Variants in CLEC4M observed in about 807,000 individuals in gnomAD.
The protein encoded by CLEC4M is C-type lectin domain family 4 member M.
A neutral mutation model predicts 39.1 loss-of-function variants in CLEC4M; 25 were observed. That is an observed-to-expected ratio of 0.64 (90% CI 0.47 to 0.89). The LOEUF is 0.89. Ranked by LOEUF, CLEC4M falls within the 40% of genes least tolerant of loss-of-function variation. CLEC4M has a pLI of 0.00. For synonymous variants in CLEC4M, 155 were observed against 177.4 expected (o/e 0.87, Z 1.00); for missense variants, 353 against 431.4 (o/e 0.82, Z 1.61).
chr19:7,763,690 G>C (rs964701120), intron 2 of CLEC4M, among the ~76,000 whole-genome samples: 1 of 151,852 alleles, frequency 6.6e-6, no homozygotes, highest in African/African-American at 2.4e-5. Flanking sequence ...GCCTGGGGAG[G>C]TGGGAGAGGG....
rs73921564 is a variant in CLEC4M, at chr19:7,763,618, C to T, written c.130+142C>T. 1,014 of 557,698 alleles carry T rather than the reference C, an allele frequency of 1.8e-3. 9 individuals are homozygous for T. Among genetic ancestry groups the T allele is most frequent in the African/African-American group, 0.018 (898 of 50,168 alleles). 34.5% of individuals were successfully genotyped at this position (557,698 alleles called of 1,614,324 possible). ...CTGGGTTCCTGGGTCCTGAAGAGGA[C>T]GGGGTAGGGATCTGAACTCCTCACA... On this transcript the variant is annotated intron_variant, in intron 2 of 6. Coordinates refer to ENST00000327325, the MANE Select transcript of CLEC4M (RefSeq NM_014257.5).
intron 2 of CLEC4M, among the ~76,000 whole-genome samples, chr19:7,763,952 AG>A (rs1304927441): frequency 6.7e-6 from 1 of 149,612 alleles, no homozygotes; most frequent in African/African-American, 2.5e-5. Context: ...CTGGGGAGGT[AG>A]AAGCAGGTAT....
chr19:7,767,436 A>G, intron 5 of CLEC4M, 80 bp from the exon 6 acceptor site: 1 of 1,104,882 alleles, frequency 9.1e-7, no homozygotes, highest in Non-Finnish European at 1.4e-6. Context: ...TGAAAGCAGA[A>G]CTTTCTGCCA....
Position 7,769,067 on chromosome 19 carries a change from A to AT in CLEC4M, c.*80dup, listed in dbSNP as rs1349458206. On this transcript the variant is annotated 3_prime_UTR_variant, in exon 7 of 7. Coordinates refer to ENST00000327325, the MANE Select transcript of CLEC4M (RefSeq NM_014257.5). ...TTGTAAGCCAGCGCTTCTTCTCTCCATCCTTGGACCTTCACAAATGCCCTG... is the reference window on the plus strand; with the variant it reads ...TTGTAAGCCAGCGCTTCTTCTCTCCATTCCTTGGACCTTCACAAATGCCCTG... 2.1e-6 allele frequency: 3 copies of AT among 1,449,822 alleles called. No individual in the cohort carries two copies. The Admixed American group carries it at 5.4e-5, about 26-fold the overall frequency. 89.8% of individuals were successfully genotyped at this position (1,449,822 alleles called of 1,614,324 possible).
In CLEC4M at chr19:7,765,170, T is replaced by C; in HGVS notation, c.131-15T>C. The C allele has an allele frequency of 1.2e-6, 2 of 1,613,728 alleles. No individual in the cohort carries two copies. Among genetic ancestry groups the C allele is most frequent in the Non-Finnish European group, 1.7e-6 (2 of 1,179,652 alleles). On this transcript the variant is annotated splice_polypyrimidine_tract_variant and intron_variant, in intron 2 of 6. Transcript: ENST00000327325. ...GTGGGAACACTGGCAGGCTGACGCA[T>C]GTATCCTCTCTCAGGGTGTCTTGGC...
intron 2 of CLEC4M, among the ~76,000 whole-genome samples, chr19:7,764,040 C>G (rs2034135854): frequency 6.6e-6 from 1 of 151,830 alleles, no homozygotes. Context: ...GAGGCTGGGA[C>G]CTGGATGCCT....
Position 7,768,903 on chromosome 19 carries a change from G to A in CLEC4M, c.1115G>A (p.Ser372Asn), listed in dbSNP as rs11671490. Residue 372 changes from serine (S) to asparagine (N), a missense_variant, in exon 7 of 7, where the codon AGT (serine) becomes AAT (asparagine). Physicochemically the swap from Ser to Asn is conservative, Grantham distance 46. Around this residue, in one of 4 missense-constraint regions of CLEC4M, gnomAD observed 196 missense variants for 211.7 expected, o/e 0.93. Transcript: ENST00000327325. ...GGGAATGAAGACTGTGCGGAATTTA[G>A]TGGCAGTGGCTGGAACGACAATCGA... is the stretch of plus-strand genomic sequence containing the variant. ...NSGNEDCAEFSGSGWNDNRCD... is the reference protein window; with the variant it reads ...NSGNEDCAEFNGSGWNDNRCD... 32 of 1,614,106 alleles carry A rather than the reference G, an allele frequency of 2.0e-5. No homozygotes were observed. The Middle Eastern group carries it at 1.8e-3, about 91-fold the overall frequency.
At chr19:7,764,136 A>T (rs1034927322) in intron 2 of CLEC4M, among the ~76,000 whole-genome samples, 1 of 151,918 alleles carries the variant, frequency 6.6e-6, no homozygotes, top group African/African-American at 2.4e-5. Flanking sequence ...ATTTAGGTGC[A>T]CCAGCCCAGT....
rs752139901 is a variant in CLEC4M, at chr19:7,768,819, T to G, written c.1050-19T>G. ...CTACTGGGCAGGGCAGAGGCTCACA[T>G]TCTGCATGGGCTTTGCAGCTTCCAG... On this transcript the variant is annotated intron_variant, in intron 6 of 6. Coordinates refer to ENST00000327325, the MANE Select transcript of CLEC4M (RefSeq NM_014257.5). 2.0e-5 allele frequency: 33 copies of G among 1,611,862 alleles called. No individual in the cohort carries two copies. Among genetic ancestry groups the G allele is most frequent in the Non-Finnish European group, 2.8e-5 (33 of 1,178,286 alleles).
chr19:7,766,220 A>G lies in CLEC4M; in HGVS notation c.784+13A>G. The G allele has an allele frequency of 1.2e-6, 2 of 1,613,712 alleles. No homozygotes were observed. Among genetic ancestry groups the G allele is most frequent in the Non-Finnish European group, 1.7e-6 (2 of 1,179,666 alleles). ...AAGACTGCATTTGGTGAGTTCCTGCACATCAAGGGTCCTTGGGCCTGAGAT... is the reference window on the plus strand; with the variant it reads ...AAGACTGCATTTGGTGAGTTCCTGCGCATCAAGGGTCCTTGGGCCTGAGAT... On this transcript the variant is annotated intron_variant, in intron 4 of 6. Transcript: ENST00000327325.
intron 5 of CLEC4M, 144 bp from the exon 6 acceptor site, chr19:7,767,372 G>T: frequency 1.6e-6 from 1 of 623,910 alleles, no homozygotes; most frequent in Non-Finnish European, 2.9e-6. Flanking sequence ...TGTGAGAGGG[G>T]CTCAGACATG....
rs2034195645 is a variant in CLEC4M at position 7,765,172 on chromosome 19, T to C, written c.131-13T>C. 6.2e-7 allele frequency: 1 copy of C among 1,613,998 alleles called. No individual in the cohort carries two copies. On this transcript the variant is annotated splice_polypyrimidine_tract_variant and intron_variant, in intron 2 of 6. Transcript: ENST00000327325. The stretch of plus-strand genomic sequence containing the variant: ...GGGAACACTGGCAGGCTGACGCATG[T>C]ATCCTCTCTCAGGGTGTCTTGGCCA...
chr19:7,765,185 G>T lies in CLEC4M; in HGVS notation c.131G>T (p.Gly44Val). The change falls in exon 3 of 7, where the codon GGG (glycine) becomes GTG (valine). Residue 44 changes from glycine (G) to valine (V), a missense_variant and splice_region_variant. Physicochemically the swap from Gly to Val is moderately radical, Grantham distance 109. Around this residue, in one of 4 missense-constraint regions of CLEC4M, gnomAD observed 91 missense variants for 77.8 expected, o/e 1.17. Transcript: ENST00000327325. ...QQIHGHKSSTGCLGHGALVLQ... is the reference protein window; with the variant it reads ...QQIHGHKSSTVCLGHGALVLQ... Reference sequence around the variant, plus strand: ...GGCTGACGCATGTATCCTCTCTCAGGGTGTCTTGGCCATGGCGCCCTGGTG... The same window carrying T: ...GGCTGACGCATGTATCCTCTCTCAGTGTGTCTTGGCCATGGCGCCCTGGTG... The T allele has an allele frequency of 6.2e-7, 1 of 1,614,078 alleles. No individual in the cohort carries two copies. The highest frequency in any genetic ancestry group is 1.3e-5 in the African/African-American group (1 of 75,026).
chr19:7,765,145 G>A (rs113778282), intron 2 of CLEC4M, 40 bp from the exon 3 acceptor site: 1 of 1,608,168 alleles, frequency 6.2e-7, no homozygotes, highest in Non-Finnish European at 8.5e-7. Flanking sequence ...CCAGGCTCAG[G>A]TGGGAACACT....
At chr19:7,766,897 G>A (rs1462092825) in intron 5 of CLEC4M, 90 bp downstream of exon 5, 4 of 1,596,396 alleles carry the variant, frequency 2.5e-6, no homozygotes, top group Non-Finnish European at 3.4e-6. Flanking sequence ...TGCAGAAGAG[G>A]GGCTTTGCTC....
chr19:7,766,542 C>T (rs2034282051), intron 4 of CLEC4M, 114 bp from the exon 5 acceptor site: 4 of 1,559,782 alleles, frequency 2.6e-6, no homozygotes, highest in Admixed American at 3.7e-5. Context: ...AAGCGGTCCA[C>T]CCAACATGGA....
In CLEC4M at chr19:7,763,456, A is replaced by C. The variant is rs1206850173; in HGVS notation, c.110A>C (p.His37Pro). 2 of 1,613,920 alleles carry C rather than the reference A, an allele frequency of 1.2e-6. No homozygotes were observed. The highest frequency in any genetic ancestry group is 1.7e-6 in the Non-Finnish European group (2 of 1,179,950). The change falls in exon 2 of 7, where the codon CAT becomes CCT. Residue 37 changes from histidine to proline, a missense_variant. Around this residue, in one of 4 missense-constraint regions of CLEC4M, gnomAD observed 91 missense variants for 77.8 expected, o/e 1.17. Coordinates refer to ENST00000327325, the MANE Select transcript of CLEC4M (RefSeq NM_014257.5). ...FPRDFQFQQI[H>P]GHKSSTGCLG... ...AGAGACTTTCAATTCCAGCAGATAC[A>C]TGGCCACAAGAGCTCTACAGGTAGG...
In CLEC4M at chr19:7,766,210, G is replaced by A. The variant is rs1443976261; in HGVS notation, c.784+3G>A. Reference sequence around the variant, plus strand: ...GACCGATTTGAAGACTGCATTTGGTGAGTTCCTGCACATCAAGGGTCCTTG... The same window carrying A: ...GACCGATTTGAAGACTGCATTTGGTAAGTTCCTGCACATCAAGGGTCCTTG... On this transcript the variant is annotated splice_donor_region_variant and intron_variant, in intron 4 of 6. Transcript: ENST00000327325. 6.2e-7 allele frequency: 1 copy of A among 1,614,140 alleles called. No homozygotes were observed. Among genetic ancestry groups the A allele is most frequent in the South Asian group, 1.1e-5 (1 of 91,082 alleles).
In CLEC4M at chr19:7,766,056, G is replaced by C; in HGVS notation, c.633G>C (p.Leu211=). 1 of 1,526,660 alleles carries C rather than the reference G, an allele frequency of 6.6e-7. No homozygotes were observed. Among genetic ancestry groups the C allele is most frequent in the Admixed American group, 1.8e-5 (1 of 56,412 alleles). The allele number at this position is 1,526,660 out of a possible 1,614,324, so 94.6% of individuals were successfully genotyped here. The part of the protein sequence containing the change: ...LQEIYQELTE[L]KAAVGELPEK... The stretch of plus-strand genomic sequence containing the variant: ...AGATCTACCAGGAGCTGACGGAGCT[G>C]AAGGCTGCAGTGGGTGAGTTGCCAG... The change falls in exon 4 of 7, where the codon CTG becomes CTC. Residue 211 remains leucine, a synonymous_variant. Coordinates refer to ENST00000327325, the MANE Select transcript of CLEC4M (RefSeq NM_014257.5).
Sources: allele counts gnomAD v4.1 joint callset (sites outside exome capture counted in the v4.1 genomes callset), GRCh38; gene constraint gnomAD v4.1.1; regional missense constraint gnomAD v4.1.1; transcripts MANE v1.5; gene names NCBI Gene and HGNC (gene_info 2026-07-23, HGNC 2026-07-21).